CERKL: variants seen among roughly 807,000 people sequenced by gnomAD.
CERKL encodes the protein CERK like autophagy regulator, also known as ceramide kinase-like protein.
Under a neutral mutation model 63.4 loss-of-function variants are expected in CERKL, and 61 were observed. That is an observed-to-expected ratio of 0.96 (90% confidence interval 0.78 to 1.19). The LOEUF (loss-of-function observed/expected upper bound fraction) is 1.19, where lower values mean the gene tolerates loss of function less well. Among genes scored for constraint, CERKL ranks in the 50% most tolerant of loss-of-function variants. CERKL has a pLI of 0.00. For missense variants in CERKL, 675 were observed against 655.5 expected (o/e 1.03, Z -0.33); for synonymous variants, 250 against 230.5 (o/e 1.08, Z -0.77).
rs755054735 is a variant in CERKL at position 181,656,906 on chromosome 2, G to C, written c.101C>G (p.Thr34Arg). ...CGCCGCCTCCGTCTGCTGCGGGGACGTTAACAGCGCCGGAGGCACAGCGGC... is the reference window on the plus strand; with the variant it reads ...CGCCGCCTCCGTCTGCTGCGGGGACCTTAACAGCGCCGGAGGCACAGCGGC... ...EAAAVPPALL[T>R]SPQQTEAAAE... The change falls in exon 1 of 13, where the codon ACG becomes AGG. Residue 34 changes from threonine (T) to arginine (R), a missense_variant. Transcript: ENST00000410087. 2.1e-5 allele frequency: 34 copies of C among 1,603,390 alleles called. No individual in the cohort carries two copies. Among genetic ancestry groups the C allele is most frequent in the Non-Finnish European group, 2.9e-5 (34 of 1,174,616 alleles).
chr2:181,633,689 T>C (rs528507650), intron 1 of CERKL, among the ~76,000 whole-genome samples: 42 of 152,308 alleles, frequency 2.8e-4, no homozygotes, highest in African/African-American at 8.7e-4. Context: ...GAAATCTCAA[T>C]TGTTGCTTTT....
intron 1 of CERKL, among the ~76,000 whole-genome samples, chr2:181,654,643 T>A (rs1688078950): frequency 6.6e-6 from 1 of 152,294 alleles, no homozygotes; most frequent in Non-Finnish European, 1.5e-5. Flanking sequence ...TCCTCCCAAG[T>A]ACAGTAACTT....
chr2:181,541,117 A>G (rs1205658781), intron 11 of CERKL, among the ~76,000 whole-genome samples: 1 of 152,208 alleles, frequency 6.6e-6, no homozygotes, highest in Non-Finnish European at 1.5e-5. Flanking sequence ...ATATTTGGAG[A>G]TAAGATCTTT....
At chr2:181,539,863 T>C (rs1687414714) in intron 11 of CERKL, among the ~76,000 whole-genome samples, 1 of 152,210 alleles carries the variant, frequency 6.6e-6, no homozygotes, top group Admixed American at 6.5e-5. Context: ...ACTTGCGTTT[T>C]TTCTTGTTTG....
chr2:181,597,996 C>T (rs910888017), intron 2 of CERKL, among the ~76,000 whole-genome samples: 5 of 152,144 alleles, frequency 3.3e-5, no homozygotes, highest in African/African-American at 7.2e-5. Flanking sequence ...TGTCAAGGAA[C>T]GGATATGGAG....
At chr2:181,611,208 G>C (rs188712915) in intron 1 of CERKL, among the ~76,000 whole-genome samples, 111 of 152,094 alleles carry the variant, frequency 7.3e-4, no homozygotes, top group African/African-American at 2.4e-3. Flanking sequence ...GGGCAACAGA[G>C]TGAAACTCCA....
At chr2:181,576,110 A>T (rs1689124340) in intron 2 of CERKL, among the ~76,000 whole-genome samples, 1 of 152,238 alleles carries the variant, frequency 6.6e-6, no homozygotes, top group Non-Finnish European at 1.5e-5. Context: ...ACCCAACTTC[A>T]TGAGTAATAC....
At chr2:181,650,731 C>A (rs1327007556) in intron 1 of CERKL, among the ~76,000 whole-genome samples, 2 of 151,608 alleles carry the variant, frequency 1.3e-5, no homozygotes, top group Non-Finnish European at 2.9e-5. Flanking sequence ...TGCACTCCAG[C>A]CTGGGCAACA....
In CERKL at chr2:181,604,076, T is replaced by A. The variant is rs61750041; in HGVS notation, c.242A>T (p.Asp81Val). 9 of 1,593,576 alleles carry A rather than the reference T, an allele frequency of 5.6e-6. No individual in the cohort carries two copies. The highest frequency in any genetic ancestry group is 1.4e-5 in the African/African-American group (1 of 73,714). The change falls in exon 2 of 13, where the codon GAT (aspartate) becomes GTT (valine). Residue 81 changes from aspartate (D) to valine (V), a missense_variant. Transcript: ENST00000410087. Reference protein sequence around the residue: ...RPIQPERPAGDSKYDLLCKEE... With the variant: ...RPIQPERPAGVSKYDLLCKEE... ...TTTACATAGCAAGTCATACTTAGAA[T>A]CACCTGAAAAAAAAATAAATTTTCC...
chr2:181,581,001 C>G (rs1684481620), intron 2 of CERKL, among the ~76,000 whole-genome samples: 1 of 152,152 alleles, frequency 6.6e-6, no homozygotes, highest in African/African-American at 2.4e-5. Flanking sequence ...AGACAAGGTA[C>G]TCACTCATTT....
chr2:181,626,983 T>C lies in CERKL; in HGVS notation c.239-22904A>G, dbSNP rs72885371. Among the ~76,000 whole-genome samples the C allele has an allele frequency of 1.2e-3, 186 of 152,390 alleles. 1 individual carries two copies. The highest frequency in any genetic ancestry group is 2.0e-3 in the Non-Finnish European group (137 of 68,042). ...TTTCCTTTCTGAAGAATTATTCTTA[T>C]AATACAGTATTTGCCCCTAGTAGTC... On this transcript the variant is annotated intron_variant, in intron 1 of 12. Coordinates refer to ENST00000410087, the MANE Select transcript of CERKL (RefSeq NM_201548.5).
chr2:181,625,774 C>T (rs1445738788), intron 1 of CERKL, among the ~76,000 whole-genome samples: 11 of 152,190 alleles, frequency 7.2e-5, no homozygotes, highest in South Asian at 4.1e-4. Flanking sequence ...ATTCATTCAA[C>T]GAATATTTGT....
In CERKL at chr2:181,566,119, T is replaced by C. The variant is rs1339984194; in HGVS notation, c.616A>G (p.Met206Val). ...LAGIKTDVTI[M>V]EYEGHALSLL... ...GACAGAGCGTGCCCTTCATATTCCA[T>C]TACTATTAAAAAAACACACACACAT... Residue 206 changes from methionine to valine, a missense_variant and splice_region_variant, in exon 4 of 13, where the codon ATG (methionine) becomes GTG (valine). Met to Val is a conservative substitution (Grantham distance 21). Coordinates refer to ENST00000410087, the MANE Select transcript of CERKL (RefSeq NM_201548.5). 3.7e-6 allele frequency: 6 copies of C among 1,610,064 alleles called. No individual in the cohort carries two copies. Among genetic ancestry groups the C allele is most frequent in the Non-Finnish European group, 5.1e-6 (6 of 1,176,818 alleles).
Position 181,536,907 on chromosome 2 carries a change from G to A in CERKL, c.*1277C>T, listed in dbSNP as rs202015286. ...GGGAGTGATCAAATTAGAAGGCAAT[G>A]TGGAAAAACAATTCTGGGAAAGATT... On this transcript the variant is annotated 3_prime_UTR_variant, in exon 13 of 13. Transcript: ENST00000410087. 8.8e-6 allele frequency: 4 copies of A among 453,368 alleles called. No individual in the cohort carries two copies. The highest frequency in any genetic ancestry group is 6.0e-5 in the African/African-American group (3 of 49,952). 28.1% of individuals were successfully genotyped at this position (453,368 alleles called of 1,614,324 possible). A position where few individuals can be genotyped will look rare whatever the true frequency, so the allele number is the denominator to read the frequency against.
chr2:181,618,249 C>G (rs1169393336), intron 1 of CERKL, among the ~76,000 whole-genome samples: 1 of 143,184 alleles, frequency 7.0e-6, no homozygotes. Flanking sequence ...CACTTGTACC[C>G]CTTAAACTTA....
At chr2:181,641,352 T>TATATATATATATAC (rs1687432547) in intron 1 of CERKL, among the ~76,000 whole-genome samples, 2 of 17,426 alleles carry the variant, frequency 1.1e-4, no homozygotes, top group African/African-American at 7.2e-4. Context: ...TATACATATA[T>TATATATATATATAC]ATACACATAT....
At chr2:181,645,487 G>A (rs1205925185) in intron 1 of CERKL, among the ~76,000 whole-genome samples, 1 of 152,218 alleles carries the variant, frequency 6.6e-6, no homozygotes, top group Non-Finnish European at 1.5e-5. Context: ...TGCATGGACT[G>A]CATCAAGTGC....
chr2:181,621,650 A>C (rs1222944167), intron 1 of CERKL, among the ~76,000 whole-genome samples: 2 of 152,210 alleles, frequency 1.3e-5, no homozygotes, highest in African/African-American at 4.8e-5. Context: ...CTATGATAAG[A>C]AGCCAAAACT....
intron 3 of CERKL, among the ~76,000 whole-genome samples, chr2:181,569,140 C>T (rs1450619412): frequency 1.3e-5 from 2 of 152,090 alleles, no homozygotes; most frequent in African/African-American, 4.8e-5. Context: ...TCTTCATCGT[C>T]CCCAGGTATA....
Sources: allele counts gnomAD v4.1 joint callset (sites outside exome capture counted in the v4.1 genomes callset), GRCh38; gene constraint gnomAD v4.1.1; transcripts MANE v1.5; gene names NCBI Gene and HGNC (gene_info 2026-07-23, HGNC 2026-07-21).